CDC27: variants seen among roughly 807,000 people sequenced by gnomAD.
CDC27 encodes the protein cell division cycle 27.
A neutral mutation model predicts 109.7 loss-of-function variants in CDC27; 27 were observed. The ratio of observed to expected loss-of-function variants is 0.25; its 90% CI spans 0.18 to 0.34. The LOEUF (loss-of-function observed/expected upper bound fraction) is 0.34, where lower values mean the gene tolerates loss of function less well. Ranked by LOEUF, CDC27 falls within the 10% of genes least tolerant of loss-of-function variation. The pLI is 1.00. For missense variants in CDC27, 579 were observed against 960.2 expected (o/e 0.60, Z 5.25); for synonymous variants, 266 against 333.9 (o/e 0.80, Z 2.22).
chr17:47,127,403 T>G (rs1011688892), intron 16 of CDC27, among the ~76,000 whole-genome samples: 13 of 152,112 alleles, frequency 8.5e-5, no homozygotes, highest in Non-Finnish European at 1.5e-4. Flanking sequence ...TATTAGCCTA[T>G]TTTTACGTTT....
intron 4 of CDC27, among the ~76,000 whole-genome samples, chr17:47,167,105 T>C (rs1368174432): frequency 1.3e-5 from 2 of 152,242 alleles, no homozygotes; most frequent in South Asian, 2.1e-4. Flanking sequence ...TCCACCCACC[T>C]TGGCCTCCCA....
At chr17:47,155,893 C>T (rs1236125904) in intron 7 of CDC27, among the ~76,000 whole-genome samples, 1 of 152,104 alleles carries the variant, frequency 6.6e-6, no homozygotes, top group East Asian at 1.9e-4. Flanking sequence ...TTTGAGGCTG[C>T]AGTGAGCTAT....
At chr17:47,167,025 T>C (rs1400612204) in intron 4 of CDC27, among the ~76,000 whole-genome samples, 4 of 152,188 alleles carry the variant, frequency 2.6e-5, no homozygotes, top group Non-Finnish European at 5.9e-5. Context: ...CGGCTAACTT[T>C]TTTATTTTTA....
intron 1 of CDC27, 144 bp from the exon 2 acceptor site, chr17:47,181,781 A>G (rs2149004218): frequency 2.0e-6 from 1 of 491,104 alleles, no homozygotes; most frequent in Non-Finnish European, 3.7e-6. Context: ...CAAACTCCAG[A>G]GTGTGCCGGG....
intron 9 of CDC27, among the ~76,000 whole-genome samples, chr17:47,149,917 T>C (rs1450249289): frequency 6.6e-6 from 1 of 152,044 alleles, no homozygotes; most frequent in Non-Finnish European, 1.5e-5. Flanking sequence ...ATTGCACCAT[T>C]GCACTACAGC....
In CDC27 at chr17:47,137,424, A is replaced by G. The variant is rs114218405; in HGVS notation, c.1705-64T>C. ...TTTTACTTTTTCTAAAACCAAATCT[A>G]TGACTAAAATCAAGCCTCAACTTAG... On this transcript the variant is annotated intron_variant, in intron 13 of 18. Transcript: ENST00000066544. 1.3e-3 allele frequency: 1,219 copies of G among 932,722 alleles called. 15 individuals carry two copies. Among genetic ancestry groups the G allele is most frequent in the African/African-American group, 0.013 (743 of 58,672 alleles). 57.8% of individuals were successfully genotyped at this position (932,722 alleles called of 1,614,324 possible).
At chr17:47,132,222 A>ATTAT in intron 15 of CDC27, 35 bp downstream of exon 15, 1 of 956,268 alleles carries the variant, frequency 1.0e-6, no homozygotes, top group Non-Finnish European at 1.6e-6. Context: ...CAAAAGGGAG[A>ATTAT]TTAATAGAGT....
chr17:47,145,027 T>C (rs1000475432), intron 9 of CDC27, among the ~76,000 whole-genome samples: 50 of 152,292 alleles, frequency 3.3e-4, no homozygotes, highest in Admixed American at 2.9e-3. Context: ...AAAAGTACTA[T>C]GCCATTCTAA....
Position 47,120,824 on chromosome 17 carries a change from G to T in CDC27, c.*111C>A. 1.4e-6 allele frequency: 1 copy of T among 735,150 alleles called. No homozygotes were observed. The highest frequency in any genetic ancestry group is 2.4e-6 in the Non-Finnish European group (1 of 420,772). The allele number at this position is 735,150 out of a possible 1,614,324, so 45.5% of individuals were successfully genotyped here. A position where few individuals can be genotyped will look rare whatever the true frequency, so the allele number is the denominator to read the frequency against. On this transcript the variant is annotated 3_prime_UTR_variant, in exon 19 of 19. Coordinates refer to ENST00000066544, the MANE Select transcript of CDC27 (RefSeq NM_001256.6). ...TGAAAGTGGCACACTCATGGTATAA[G>T]TGACGGACGATGACACCGCCAGCTC...
intron 1 of CDC27, among the ~76,000 whole-genome samples, chr17:47,183,992 C>A (rs2064337141): frequency 6.6e-6 from 1 of 152,108 alleles, no homozygotes; most frequent in Non-Finnish European, 1.5e-5. Flanking sequence ...CAAATAATTA[C>A]CACCAAATTA....
At chr17:47,188,924 C>T in intron 1 of CDC27, 2 of 1,386,368 alleles carry the variant, frequency 1.4e-6, no homozygotes, top group Non-Finnish European at 1.9e-6. Context: ...TTATTTTCGC[C>T]GAAGCCGCTC....
intron 9 of CDC27, 27 bp downstream of exon 9, chr17:47,151,779 A>C (rs750756240): frequency 6.7e-7 from 1 of 1,498,244 alleles, no homozygotes; most frequent in Non-Finnish European, 8.9e-7. Context: ...ATGCCAAGAA[A>C]AGTTGAATAA....
At chr17:47,179,612 A>G (rs186269182) in intron 2 of CDC27, among the ~76,000 whole-genome samples, 19 of 152,358 alleles carry the variant, frequency 1.2e-4, no homozygotes, top group Non-Finnish European at 2.2e-4. Context: ...TAAGAAATCA[A>G]TAAGTGATAG....
intron 3 of CDC27, 124 bp from the exon 4 acceptor site, chr17:47,170,166 C>T: frequency 3.4e-6 from 2 of 591,008 alleles, no homozygotes; most frequent in Non-Finnish European, 5.5e-6. Flanking sequence ...TCTCTCTTTC[C>T]TTTTCCTTCC....
intron 2 of CDC27, chr17:47,181,279 A>AC: frequency 6.3e-6 from 1 of 159,874 alleles, no homozygotes; most frequent in South Asian, 1.8e-4. Context: ...AAAAAAAAAA[A>AC]AAAAAAACCC....
chr17:47,155,064 A>C (rs2063261664), intron 7 of CDC27, among the ~76,000 whole-genome samples: 1 of 152,226 alleles, frequency 6.6e-6, no homozygotes, highest in Admixed American at 6.5e-5. Flanking sequence ...TTATAAATCT[A>C]AGATCCAAAT....
At chr17:47,184,017 C>T (rs1451320080) in intron 1 of CDC27, among the ~76,000 whole-genome samples, 1 of 152,098 alleles carries the variant, frequency 6.6e-6, no homozygotes, top group African/African-American at 2.4e-5. Context: ...TTTATGAAAT[C>T]TGGGATTTCC....
chr17:47,144,013 T>C (rs1342449846), intron 9 of CDC27, 31 bp from the exon 10 acceptor site: 9 of 983,912 alleles, frequency 9.1e-6, no homozygotes, highest in Admixed American at 3.1e-5. Context: ...AAGACATTAA[T>C]ATTTTACTTG....
rs555323260 is a variant in CDC27 at position 47,134,506 on chromosome 17, T to C, written c.1914-2132A>G. Among the ~76,000 whole-genome samples, 10 of 151,944 alleles carry C rather than the reference T, an allele frequency of 6.6e-5. 1 individual carries two copies. In the South Asian group the frequency reaches 2.1e-3, roughly 31 times the overall value. On this transcript the variant is annotated intron_variant, in intron 14 of 18. Transcript: ENST00000066544. The stretch of plus-strand genomic sequence containing the variant: ...TTTTGTTTTGTTTTGTTTTGTTTTG[T>C]TTTTGAGATGGAGTCTCACTCTGTT...
Sources: allele counts gnomAD v4.1 joint callset (sites outside exome capture counted in the v4.1 genomes callset), GRCh38; gene constraint gnomAD v4.1.1; transcripts MANE v1.5; gene names NCBI Gene and HGNC (gene_info 2026-07-23, HGNC 2026-07-21).